The following ZNF831 variants were observed in gnomAD, a reference collection of about 807,000 sequenced individuals.
ZNF831 encodes zinc finger protein 831, also known as chromosome 20 open reading frame 174.
A neutral mutation model predicts 95.8 loss-of-function variants in ZNF831; 59 were observed. That is an observed-to-expected ratio of 0.62 (90% CI 0.50 to 0.77). The LOEUF (loss-of-function observed/expected upper bound fraction) is 0.77. Ranked by LOEUF, ZNF831 falls within the 30% of genes least tolerant of loss-of-function variation. ZNF831 has a pLI of 0.00. For synonymous variants in ZNF831, 961 were observed against 925.5 expected (o/e 1.04, Z -0.70); for missense variants, 2,205 against 2,164.0 (o/e 1.02, Z -0.38).
chr20:59,246,951 T>C (rs1418612261), intron 4 of ZNF831, among the ~76,000 whole-genome samples: 1 of 152,224 alleles, frequency 6.6e-6, no homozygotes, highest in African/African-American at 2.4e-5. Flanking sequence ...GGCATTGACA[T>C]CCAACGTCTC....
chr20:59,216,580 G>A (rs718161), intron 4 of ZNF831, among the ~76,000 whole-genome samples: 58 of 152,304 alleles, frequency 3.8e-4, no homozygotes, highest in South Asian at 3.7e-3. Flanking sequence ...GCCTGTGCCA[G>A]GAGGAAGTGG....
rs141529751 is a variant in ZNF831, at chr20:59,194,508, C to T, written c.3489C>T (p.Ser1163=). Residue 1163 remains serine, a synonymous_variant, in exon 2 of 6, where the codon AGC becomes AGT. Coordinates refer to ENST00000371030, the MANE Select transcript of ZNF831 (RefSeq NM_178457.3). ...SSHSGTSRSH[S]TRSPHSTQNP... ...ACTCAGGGACGTCCCGGAGCCACAG[C>T]ACCCGCAGTCCCCACAGCACCCAAA... The T allele has an allele frequency of 6.2e-7, 1 of 1,609,722 alleles. No homozygotes were observed. The highest frequency in any genetic ancestry group is 1.3e-5 in the African/African-American group (1 of 75,032).
intron 4 of ZNF831, among the ~76,000 whole-genome samples, chr20:59,225,335 C>T (rs1447413443): frequency 6.6e-6 from 1 of 152,160 alleles, no homozygotes; most frequent in South Asian, 2.1e-4. Flanking sequence ...GCAAGACTTG[C>T]TTTGGTCCTG....
At chr20:59,149,460 C>T (rs374117480) in intron 2 of ZNF831, among the ~76,000 whole-genome samples, 19 of 152,172 alleles carry the variant, frequency 1.2e-4, no homozygotes, top group East Asian at 1.9e-4. Context: ...GAGGAAGAAA[C>T]GGAGTCTTAT....
chr20:59,214,878 C>T (rs1187252538), intron 4 of ZNF831, among the ~76,000 whole-genome samples: 1 of 152,182 alleles, frequency 6.6e-6, no homozygotes, highest in Non-Finnish European at 1.5e-5. Flanking sequence ...ACATCCTGTT[C>T]TCTGTGATCC....
At chr20:59,165,775 GT>G (rs1981211194) in intron 1 of ZNF831, among the ~76,000 whole-genome samples, 1 of 151,506 alleles carries the variant, frequency 6.6e-6, no homozygotes, top group South Asian at 2.1e-4. Context: ...TTTTGGAGCT[GT>G]AATCTCGCTC....
chr20:59,146,207 A>G (rs1445409267), intron 1 of ZNF831: 1 of 151,266 alleles, frequency 6.6e-6, no homozygotes. Flanking sequence ...CACACACACA[A>G]TTTTTCTTTT....
At position 59,254,270 on chromosome 20, in the gene ZNF831, G is replaced by A. The variant is rs2146766879; in HGVS notation, c.4561G>A (p.Gly1521Arg). ...AESRDHSQTA[G>R]RTLTSSSPDS... ...ATCACGAGACCACAGCCAGACTGCA[G>A]GGAGGACTCTGACATCAAGCTCCCC... The change falls in exon 6 of 6, where the codon GGG (glycine) becomes AGG (arginine). Residue 1521 changes from glycine (G) to arginine (R), a missense_variant. Physicochemically the swap from Gly to Arg is moderately radical, Grantham distance 125. Transcript: ENST00000371030. The surrounding 1 kb of genome is among the most constrained non-coding windows in gnomAD (Gnocchi z 4.5). The A allele has an allele frequency of 6.2e-7, 1 of 1,614,054 alleles. No homozygotes were observed. Among genetic ancestry groups the A allele is most frequent in the South Asian group, 1.1e-5 (1 of 91,066 alleles).
intron 4 of ZNF831, among the ~76,000 whole-genome samples, chr20:59,247,121 G>C (rs2146741207): frequency 6.6e-6 from 1 of 152,278 alleles, no homozygotes. Context: ...ATGCAACAGA[G>C]ACTTAAAGAA....
chr20:59,253,957 A>C lies in ZNF831; in HGVS notation c.4248A>C (p.Thr1416=), dbSNP rs1256414179. 9 of 1,601,002 alleles carry C rather than the reference A, an allele frequency of 5.6e-6. No homozygotes were observed. Among genetic ancestry groups the C allele is most frequent in the Non-Finnish European group, 7.7e-6 (9 of 1,175,350 alleles). Residue 1416 remains threonine, a synonymous_variant, in exon 6 of 6, where the codon ACA becomes ACC. Coordinates refer to ENST00000371030, the MANE Select transcript of ZNF831 (RefSeq NM_178457.3). ...GDCTTHSTAA[T]SGLSLQSDTC... Reference sequence around the variant, plus strand: ...GTACTACTCACAGCACTGCTGCCACATCAGGATTATCTCTGCAATCTGACA... The same window carrying C: ...GTACTACTCACAGCACTGCTGCCACCTCAGGATTATCTCTGCAATCTGACA...
chr20:59,254,304 A>C lies in ZNF831; in HGVS notation c.4595A>C (p.Lys1532Thr), dbSNP rs2146767527. The C allele has an allele frequency of 6.2e-7, 1 of 1,614,070 alleles. No individual in the cohort carries two copies. Among genetic ancestry groups the C allele is most frequent in the Non-Finnish European group, 8.5e-7 (1 of 1,179,998 alleles). ...RTLTSSSPDSKVTEEGRAQTL... is the reference protein window; with the variant it reads ...RTLTSSSPDSTVTEEGRAQTL... ...CTGACATCAAGCTCCCCAGACAGCAAAGTCACAGAAGAGGGCAGAGCACAG... is the reference window on the plus strand; with the variant it reads ...CTGACATCAAGCTCCCCAGACAGCACAGTCACAGAAGAGGGCAGAGCACAG... Residue 1532 changes from lysine to threonine, a missense_variant, in exon 6 of 6, where the codon AAA becomes ACA. Physicochemically the swap from Lys to Thr is moderately conservative, Grantham distance 78. Coordinates refer to ENST00000371030, the MANE Select transcript of ZNF831 (RefSeq NM_178457.3). The surrounding 1 kb of genome is among the most constrained non-coding windows in gnomAD (Gnocchi z 4.5).
chr20:59,137,886 A>G (rs1979560975), intron 1 of ZNF831, among the ~76,000 whole-genome samples: 1 of 152,042 alleles, frequency 6.6e-6, no homozygotes, highest in East Asian at 1.9e-4. Flanking sequence ...CAATTCCAAG[A>G]CTGTGGCCCC....
chr20:59,166,581 C>A (rs1026560391), intron 1 of ZNF831, among the ~76,000 whole-genome samples: 1 of 152,070 alleles, frequency 6.6e-6, no homozygotes, highest in African/African-American at 2.4e-5. Context: ...TCCTCTCTCT[C>A]TCCCCCCCAA....
intron 2 of ZNF831, chr20:59,147,115 GAAC>G (rs1292536675): frequency 6.6e-5 from 10 of 152,234 alleles, no homozygotes; most frequent in Admixed American, 5.9e-4. Context: ...GAAAAAGGAA[GAAC>G]AACAAAGATG....
At chr20:59,141,041 A>G (rs1979662137) in intron 1 of ZNF831, among the ~76,000 whole-genome samples, 1 of 152,170 alleles carries the variant, frequency 6.6e-6, no homozygotes, top group African/African-American at 2.4e-5. Flanking sequence ...CTAGGATTAT[A>G]GGTGCGCACC....
chr20:59,211,340 G>A (rs1985317502), intron 4 of ZNF831, among the ~76,000 whole-genome samples: 1 of 152,230 alleles, frequency 6.6e-6, no homozygotes, highest in Non-Finnish European at 1.5e-5. Flanking sequence ...CATGGAGAAT[G>A]TCCACTGCAG....
intron 3 of ZNF831, among the ~76,000 whole-genome samples, chr20:59,203,568 A>C (rs1157751026): frequency 6.6e-6 from 1 of 152,218 alleles, no homozygotes; most frequent in African/African-American, 2.4e-5. Flanking sequence ...AAAGTCTAAA[A>C]TATTTATTAG....
intron 4 of ZNF831, 30 bp downstream of exon 4, chr20:59,207,086 C>G: frequency 6.2e-7 from 1 of 1,607,578 alleles, no homozygotes; most frequent in South Asian, 1.1e-5. Flanking sequence ...TGCATCCAGA[C>G]TGGGCACTCG....
intron 4 of ZNF831, among the ~76,000 whole-genome samples, chr20:59,227,314 T>G (rs2146688713): frequency 6.6e-6 from 1 of 152,328 alleles, no homozygotes; most frequent in Middle Eastern, 3.4e-3. Context: ...AAGGGAACTA[T>G]TTTCTGAGAT....
Sources: allele counts gnomAD v4.1 joint callset (sites outside exome capture counted in the v4.1 genomes callset), GRCh38; gene constraint gnomAD v4.1.1; non-coding constraint Gnocchi (gnomAD v3.1); transcripts MANE v1.5; gene names NCBI Gene and HGNC (gene_info 2026-07-23, HGNC 2026-07-21).